Variants in KDM3B observed in about 807,000 individuals in gnomAD.
KDM3B encodes the protein lysine-specific demethylase 3B.
Under a neutral mutation model 170.0 loss-of-function variants are expected in KDM3B, and 10 were observed. The ratio of observed to expected loss-of-function variants is 0.06; its 90% CI spans 0.04 to 0.10. The LOEUF (loss-of-function observed/expected upper bound fraction) is 0.10. KDM3B is among the 10% of genes least tolerant of loss of function. KDM3B has a pLI of 1.00. For synonymous variants in KDM3B, 831 were observed against 834.8 expected (o/e 1.00, Z 0.08); for missense variants, 1,394 against 2,195.2 (o/e 0.64, Z 7.29).
At chr5:138,431,619 G>T (rs535257364) in intron 23 of KDM3B, 60 bp downstream of exon 23, 6 of 1,374,572 alleles carry the variant, frequency 4.4e-6, no homozygotes, top group African/African-American at 1.5e-5. Flanking sequence ...CATACATTAC[G>T]CAGAAAGCAC....
intron 11 of KDM3B, among the ~76,000 whole-genome samples, chr5:138,408,791 T>C (rs1264278630): frequency 6.6e-6 from 1 of 152,220 alleles, no homozygotes; most frequent in African/African-American, 2.4e-5. Flanking sequence ...AATAACCACA[T>C]GATCTCAAGA....
chr5:138,387,314 A>G (rs56286686), intron 7 of KDM3B, among the ~76,000 whole-genome samples: 19,346 of 152,150 alleles, frequency 0.13, 1,667 homozygotes, highest in South Asian at 0.25. Context: ...CTTTTTGACT[A>G]ATTTTGGTCA....
chr5:138,367,131 G>A (rs1761765972), intron 1 of KDM3B, among the ~76,000 whole-genome samples: 1 of 152,138 alleles, frequency 6.6e-6, no homozygotes, highest in South Asian at 2.1e-4. Context: ...CAGATGACTT[G>A]TCTAATCTAA....
chr5:138,404,343 C>A (rs562244937), intron 11 of KDM3B, among the ~76,000 whole-genome samples: 12 of 152,274 alleles, frequency 7.9e-5, no homozygotes, highest in Admixed American at 5.9e-4. Context: ...GAATGACAGG[C>A]TGGCCGGGCG....
chr5:138,420,563 CCAAA>C, intron 14 of KDM3B, 139 bp from the exon 15 acceptor site: 1 of 866,428 alleles, frequency 1.2e-6, no homozygotes, highest in East Asian at 2.4e-5. Flanking sequence ...AAGGCTTGAC[CCAAA>C]CAAACCATAC....
intron 22 of KDM3B, 70 bp from the exon 23 acceptor site, chr5:138,431,355 A>G (rs1487212016): frequency 7.6e-7 from 1 of 1,311,254 alleles, no homozygotes; most frequent in Non-Finnish European, 1.0e-6. Context: ...TAACTATATC[A>G]TGGACATTTT....
At chr5:138,432,203 A>G (rs1763552518) in intron 23 of KDM3B, among the ~76,000 whole-genome samples, 1 of 152,230 alleles carries the variant, frequency 6.6e-6, no homozygotes, top group South Asian at 2.1e-4. Flanking sequence ...GTTTCTGAGA[A>G]GAAATATTGC....
Position 138,367,880 on chromosome 5 carries a change from G to A in KDM3B, c.193-4794G>A, listed in dbSNP as rs563004663. 5.3e-5 allele frequency among the ~76,000 whole-genome samples: 8 copies of A among 152,198 alleles called. No individual in the cohort carries two copies. The South Asian group carries it at 1.7e-3, about 32-fold the overall frequency. ...ATACAAAAATTAGCTGGGCGTGGTGGCAGGCACCTGTAGTCCCAGCTACTC... is the reference window on the plus strand; with the variant it reads ...ATACAAAAATTAGCTGGGCGTGGTGACAGGCACCTGTAGTCCCAGCTACTC... On this transcript the variant is annotated intron_variant, in intron 1 of 23. Transcript: ENST00000314358.
At chr5:138,376,468 G>C (rs2126927516) in intron 3 of KDM3B, among the ~76,000 whole-genome samples, 1 of 152,036 alleles carries the variant, frequency 6.6e-6, no homozygotes. Context: ...ACTTTGGGAG[G>C]CCGAGACGGG....
At chr5:138,393,399 T>G (rs772790839) in intron 9 of KDM3B, 27 bp downstream of exon 9, 21 of 1,585,606 alleles carry the variant, frequency 1.3e-5, no homozygotes, top group Middle Eastern at 1.7e-4. Flanking sequence ...TTTCCTCCTT[T>G]GCTAGTTTTC....
rs201804669 is a variant in KDM3B, at chr5:138,358,302, C to CTTTT, written c.192+5318_192+5319insTTTT. Reference sequence around the variant, plus strand: ...CGGCGGGAATTTTTTTTCTTTCTTTCTTTCTTTTTTTTTTTTTTTTGAGAC... The same window carrying CTTTT: ...CGGCGGGAATTTTTTTTCTTTCTTTCTTTTTTTCTTTTTTTTTTTTTTTTGAGAC... On this transcript the variant is annotated intron_variant, in intron 1 of 23. Coordinates refer to ENST00000314358, the MANE Select transcript of KDM3B (RefSeq NM_016604.4). Among the ~76,000 whole-genome samples, 73 of 109,820 alleles carry CTTTT rather than the reference C, an allele frequency of 6.6e-4. 3 individuals are homozygous for CTTTT. The highest frequency in any genetic ancestry group is 8.9e-4 in the Non-Finnish European group (49 of 55,266). The allele number at this position is 109,820 out of a possible 152,430, so 72.0% of individuals were successfully genotyped here.
intron 1 of KDM3B, among the ~76,000 whole-genome samples, chr5:138,358,302 C>CTTTTT (rs201804669): frequency 1.4e-3 from 158 of 109,778 alleles, no homozygotes; most frequent in East Asian, 2.9e-3. Flanking sequence ...TTCTTTCTTT[C>CTTTTT]TTTCTTTTTT....
At chr5:138,354,233 T>G (rs1044397296) in intron 1 of KDM3B, among the ~76,000 whole-genome samples, 15 of 152,220 alleles carry the variant, frequency 9.9e-5, no homozygotes, top group Non-Finnish European at 1.9e-4. Context: ...TTGATTTTTC[T>G]TCATGCTGTA....
At chr5:138,433,487 A>G (rs970364341) in intron 23 of KDM3B, among the ~76,000 whole-genome samples, 3 of 148,066 alleles carry the variant, frequency 2.0e-5, no homozygotes, top group African/African-American at 7.5e-5. Context: ...GCTCAACTGC[A>G]TCCTTCGTCT....
At chr5:138,379,749 C>G (rs1224244587) in intron 5 of KDM3B, 41 bp downstream of exon 5, 1 of 1,569,398 alleles carries the variant, frequency 6.4e-7, no homozygotes, top group East Asian at 2.3e-5. Context: ...CATCCATCCC[C>G]TTAAAGAGGA....
At chr5:138,382,179 G>A (rs1762141232) in intron 6 of KDM3B, among the ~76,000 whole-genome samples, 1 of 152,112 alleles carries the variant, frequency 6.6e-6, no homozygotes, top group Non-Finnish European at 1.5e-5. Flanking sequence ...CAGGTGCAGT[G>A]GCTCACGCCT....
intron 1 of KDM3B, among the ~76,000 whole-genome samples, chr5:138,358,175 G>A (rs1561753323): frequency 1.3e-5 from 2 of 151,474 alleles, no homozygotes; most frequent in Non-Finnish European, 2.9e-5. Flanking sequence ...TAGAGATGGG[G>A]TTTCACCATG....
intron 5 of KDM3B, among the ~76,000 whole-genome samples, chr5:138,380,955 ACCT>A (rs1051141193): frequency 7.3e-5 from 11 of 149,936 alleles, no homozygotes; most frequent in Admixed American, 6.6e-5. Flanking sequence ...GCTCACTGCA[ACCT>A]CCGCCTCCCA....
At chr5:138,407,425 T>C (rs1762851440) in intron 11 of KDM3B, among the ~76,000 whole-genome samples, 12 of 152,114 alleles carry the variant, frequency 7.9e-5, no homozygotes, top group Admixed American at 7.9e-4. Context: ...GGAAGCCCCC[T>C]CTCTCTCACT....
Sources: gnomAD v4.1 joint callset for allele counts (sites outside exome capture counted in the v4.1 genomes callset) on GRCh38, gnomAD v4.1.1 for gene constraint, MANE v1.5 for transcripts, NCBI Gene and HGNC (gene_info 2026-07-23, HGNC 2026-07-21) for gene names.